The following PTPRN2 variants were observed in gnomAD, a reference collection of about 807,000 sequenced individuals.
PTPRN2 encodes protein tyrosine phosphatase receptor type N2.
In PTPRN2, 74 loss-of-function variants were observed where a neutral mutation model predicts 118.8. The observed-to-expected ratio is 0.62, with a 90% CI of 0.52 to 0.76. The LOEUF is 0.76. Among genes scored for constraint, PTPRN2 ranks in the 30% least tolerant of loss-of-function variants. The pLI is 0.00. For synonymous variants in PTPRN2, 641 were observed against 608.0 expected, an observed-to-expected ratio of 1.05 and a Z score of -0.80; for missense variants, 1,481 against 1,394.4, an observed-to-expected ratio of 1.06 and a Z score of -0.99.
At chr7:158,486,799 A>G (rs144638828) in intron 2 of PTPRN2, among the ~76,000 whole-genome samples, 5 of 152,328 alleles carry the variant, frequency 3.3e-5, no homozygotes, top group Admixed American at 1.3e-4. Flanking sequence ...AAAATTTACC[A>G]TCTTAGCCAT....
At chr7:157,799,875 C>T (rs1585500525) in intron 12 of PTPRN2, among the ~76,000 whole-genome samples, 1 of 122,830 alleles carries the variant, frequency 8.1e-6, no homozygotes. Context: ...CTCCATCCCT[C>T]AGAGGCACCA....
intron 2 of PTPRN2, among the ~76,000 whole-genome samples, chr7:158,449,156 G>A (rs1480042709): frequency 1.3e-5 from 2 of 152,200 alleles, no homozygotes; most frequent in Admixed American, 6.5e-5. Context: ...AGTGAACACT[G>A]AAAACAATCA....
At position 158,072,264 on chromosome 7, in the gene PTPRN2, G is replaced by A. The variant is rs549487568; in HGVS notation, c.1723+9034C>T. 2.4e-4 allele frequency among the ~76,000 whole-genome samples: 36 copies of A among 152,264 alleles called. No homozygotes were observed. In the South Asian group the frequency reaches 2.5e-3, roughly 11 times the overall value. On this transcript the variant is annotated intron_variant, in intron 11 of 22. Coordinates refer to ENST00000389418, the MANE Select transcript of PTPRN2 (RefSeq NM_002847.5). Reference sequence around the variant, plus strand: ...GAATGCTGTCCTGGCCGATAAGTCCGAGGCCTGATGGTGTGCAGTGCCCTC... The same window carrying A: ...GAATGCTGTCCTGGCCGATAAGTCCAAGGCCTGATGGTGTGCAGTGCCCTC...
intron 13 of PTPRN2, among the ~76,000 whole-genome samples, chr7:157,657,226 C>CCA (rs547693194): frequency 3.1e-5 from 3 of 97,930 alleles, no homozygotes; most frequent in Admixed American, 1.1e-4. Context: ...CACACATACG[C>CCA]CACACACACA....
intron 6 of PTPRN2, 115 bp downstream of exon 6, chr7:158,166,816 G>C (rs187524620): frequency 2.4e-6 from 3 of 1,275,908 alleles, no homozygotes; most frequent in Non-Finnish European, 2.0e-6. Flanking sequence ...ACGCGTCCTC[G>C]GGGGAGTGCG....
intron 2 of PTPRN2, among the ~76,000 whole-genome samples, chr7:158,440,211 C>T (rs975625980): frequency 5.3e-5 from 8 of 152,196 alleles, no homozygotes; most frequent in East Asian, 1.9e-4. Flanking sequence ...GTCGCCACCT[C>T]GAACACACCC....
chr7:157,574,657 A>C (rs1672759287), intron 19 of PTPRN2, among the ~76,000 whole-genome samples: 1 of 152,256 alleles, frequency 6.6e-6, no homozygotes, highest in Non-Finnish European at 1.5e-5. Context: ...TGCCTGGCGA[A>C]CGCGCCAGGC....
chr7:158,173,657 G>A (rs1823917222), intron 5 of PTPRN2, among the ~76,000 whole-genome samples: 1 of 152,210 alleles, frequency 6.6e-6, no homozygotes, highest in Non-Finnish European at 1.5e-5. Context: ...GTAAGCCTGA[G>A]GGCACTGCAG....
rs114513220 is a variant in PTPRN2, at chr7:158,174,883, C to T, written c.550-7592G>A. On this transcript the variant is annotated intron_variant, in intron 5 of 22. Transcript: ENST00000389418. ...ACACTGCTGAGGAAGTGACTCTCCT[C>T]GCTCCCAACTTTACTGGGGCCGGGA... Among the ~76,000 whole-genome samples, 1,100 of 152,258 alleles carry T rather than the reference C, an allele frequency of 7.2e-3. 19 individuals are homozygous for T. The highest frequency in any genetic ancestry group is 0.025 in the African/African-American group (1,036 of 41,526).
chr7:158,472,864 A>G (rs944969253), intron 2 of PTPRN2, among the ~76,000 whole-genome samples: 3 of 152,168 alleles, frequency 2.0e-5, no homozygotes, highest in African/African-American at 4.8e-5. Flanking sequence ...GGGAGGCAGC[A>G]GTGGCGGCGG....
intron 10 of PTPRN2, among the ~76,000 whole-genome samples, chr7:158,109,558 T>C (rs201809604): frequency 2.1e-3 from 318 of 150,822 alleles, no homozygotes; most frequent in Non-Finnish European, 3.1e-3. Context: ...ACATCACCCC[T>C]ATGTGAAGAC....
Position 157,619,544 on chromosome 7 carries a change from T to C in PTPRN2, c.2344+1818A>G, listed in dbSNP as rs746372003. On this transcript the variant is annotated intron_variant, in intron 15 of 22. Coordinates refer to ENST00000389418, the MANE Select transcript of PTPRN2 (RefSeq NM_002847.5). This position sits in a 1 kb window ranked among gnomAD's most constrained non-coding sequence, Gnocchi z 5.3. The stretch of plus-strand genomic sequence containing the variant: ...TCTGTTAGTTGGCTAATGGGATGTA[T>C]TGTATTTTGCTTTTCTTCTAAATAT... 6.6e-6 allele frequency among the ~76,000 whole-genome samples: 1 copy of C among 152,210 alleles called. No homozygotes were observed. The highest frequency in any genetic ancestry group is 1.5e-5 in the Non-Finnish European group (1 of 68,038).
chr7:158,296,864 C>T (rs1800537592), intron 3 of PTPRN2, among the ~76,000 whole-genome samples: 1 of 152,250 alleles, frequency 6.6e-6, no homozygotes, highest in South Asian at 2.1e-4. Context: ...GTCACAGAGG[C>T]ACATGGCCAC....
At chr7:158,521,924 A>G (rs1824135021) in intron 1 of PTPRN2, among the ~76,000 whole-genome samples, 1 of 94,636 alleles carries the variant, frequency 1.1e-5, no homozygotes. Context: ...CCACGTCACA[A>G]TGGTGGACTG....
chr7:158,318,185 A>AGGCGGG (rs1802507579), intron 2 of PTPRN2, among the ~76,000 whole-genome samples: 1 of 152,124 alleles, frequency 6.6e-6, no homozygotes, highest in Non-Finnish European at 1.5e-5. Context: ...GCCGCACCAC[A>AGGCGGG]GGCGGGAACA....
chr7:158,437,728 T>G (rs1816667467), intron 2 of PTPRN2, among the ~76,000 whole-genome samples: 1 of 152,242 alleles, frequency 6.6e-6, no homozygotes, highest in Admixed American at 6.5e-5. Context: ...TTCAGCATTA[T>G]GAGACTGCCA....
intron 2 of PTPRN2, among the ~76,000 whole-genome samples, chr7:158,329,655 A>G (rs750523987): frequency 6.6e-6 from 1 of 152,240 alleles, no homozygotes; most frequent in East Asian, 1.9e-4. Flanking sequence ...AAGCCCCGCA[A>G]TAGGTGGTAC....
chr7:157,817,100 G>A (rs914591374), intron 12 of PTPRN2, among the ~76,000 whole-genome samples: 1 of 152,210 alleles, frequency 6.6e-6, no homozygotes, highest in South Asian at 2.1e-4. Flanking sequence ...GCATGGGAGC[G>A]CTGTGTTCCG....
chr7:158,146,720 C>CAAAA (rs1380414832), intron 6 of PTPRN2, among the ~76,000 whole-genome samples: 1 of 88,688 alleles, frequency 1.1e-5, no homozygotes. Flanking sequence ...GACTCTGCCT[C>CAAAA]AAAAAAAAAA....
Sources: allele counts gnomAD v4.1 joint callset (sites outside exome capture counted in the v4.1 genomes callset), GRCh38; gene constraint gnomAD v4.1.1; non-coding constraint Gnocchi (gnomAD v3.1); transcripts MANE v1.5; gene names NCBI Gene and HGNC (gene_info 2026-07-23, HGNC 2026-07-21).